Variants in NEBL observed in about 807,000 individuals in gnomAD.
The protein encoded by NEBL is LIM and SH3 protein 2.
NEBL carries 122 observed loss-of-function variants against 140.2 expected under a neutral mutation model. The observed-to-expected ratio is 0.87, with a 90% CI of 0.75 to 1.01. The LOEUF is 1.01. Among genes scored for constraint, NEBL ranks in the 50% least tolerant of loss-of-function variants. The probability of loss-of-function intolerance (pLI) is 0.00; values close to 1 mark genes in which losing one functional copy is unlikely to be tolerated. For synonymous variants in NEBL, 436 were observed against 398.9 expected (o/e 1.09, Z -1.11); for missense variants, 1,365 against 1,231.3 (o/e 1.11, Z -1.62).
At chr10:20,790,887 T>A (rs1479091269) in intron 26 of NEBL, among the ~76,000 whole-genome samples, 1 of 152,192 alleles carries the variant, frequency 6.6e-6, no homozygotes, top group African/African-American at 2.4e-5. Context: ...AAAGGATTTT[T>A]AAAAAGTAAG....
intron 4 of NEBL, among the ~76,000 whole-genome samples, chr10:20,913,340 A>G (rs1023405471): frequency 9.9e-5 from 15 of 152,170 alleles, no homozygotes; most frequent in Non-Finnish European, 1.9e-4. Context: ...CAGAAAAGGT[A>G]CACTCCTGAA....
rs1840387281 is a variant in NEBL, at chr10:20,831,276, T to C, written c.1591A>G (p.Ile531Val). ...KQYKKDLENE[I>V]KGKGMQVSMD... Reference sequence around the variant, plus strand: ...CTCACTTGCATTCCTTTCCCTTTAATTTCATTTTCTAAGTCCTTCTTGTAT... The same window carrying C: ...CTCACTTGCATTCCTTTCCCTTTAACTTCATTTTCTAAGTCCTTCTTGTAT... The change falls in exon 16 of 28, where the codon ATT (isoleucine) becomes GTT (valine). Residue 531 changes from isoleucine (I) to valine (V), a missense_variant. Around this residue, in one of 2 missense-constraint regions of NEBL, gnomAD observed 1,323 missense variants for 1,154.8 expected, o/e 1.15. Coordinates refer to ENST00000377122, the MANE Select transcript of NEBL (RefSeq NM_006393.3). 3.1e-6 allele frequency: 5 copies of C among 1,612,894 alleles called. No homozygotes were observed. The highest frequency in any genetic ancestry group is 4.2e-6 in the Non-Finnish European group (5 of 1,179,300).
At chr10:21,170,198 T>A (rs1008043225) in intron 2 of NEBL, 1 of 152,206 alleles carries the variant, frequency 6.6e-6, no homozygotes, top group African/African-American at 2.4e-5. Context: ...CCTTATCCAA[T>A]TCTCTCTCAT....
At chr10:21,188,342 A>T (rs1841511496) in intron 3 of NEBL, among the ~76,000 whole-genome samples, 1 of 152,224 alleles carries the variant, frequency 6.6e-6, no homozygotes, top group Non-Finnish European at 1.5e-5. Flanking sequence ...CAGACAGCTC[A>T]TATGAGATCT....
At chr10:20,841,543 T>C (rs1290451166) in intron 12 of NEBL, 1 of 152,300 alleles carries the variant, frequency 6.6e-6, no homozygotes, top group Non-Finnish European at 1.5e-5. Flanking sequence ...TGGCTCAACA[T>C]TCATGATGAT....
intron 3 of NEBL, among the ~76,000 whole-genome samples, chr10:20,989,880 GA>G (rs1837393561): frequency 6.6e-6 from 1 of 152,066 alleles, no homozygotes. Flanking sequence ...TTCAAATGGG[GA>G]AAAAGAACAT....
At chr10:21,034,841 A>T in intron 2 of NEBL, among the ~76,000 whole-genome samples, 1 of 152,172 alleles carries the variant, frequency 6.6e-6, no homozygotes, top group East Asian at 1.9e-4. Context: ...CATGTGCAGG[A>T]TGTGCAGGTT....
intron 4 of NEBL, among the ~76,000 whole-genome samples, chr10:20,934,463 G>A (rs1037785965): frequency 6.6e-6 from 1 of 152,148 alleles, no homozygotes; most frequent in African/African-American, 2.4e-5. Context: ...CCACAGTGAA[G>A]TGAGTCCGCA....
intron 1 of NEBL, among the ~76,000 whole-genome samples, chr10:21,280,765 C>T (rs532170148): frequency 7.9e-5 from 12 of 152,006 alleles, no homozygotes; most frequent in African/African-American, 2.7e-4. Context: ...CAGGCACACA[C>T]CATCGCGCAT....
At chr10:21,212,864 C>A (rs985849486) in intron 3 of NEBL, among the ~76,000 whole-genome samples, 1 of 152,096 alleles carries the variant, frequency 6.6e-6, no homozygotes, top group Non-Finnish European at 1.5e-5. Flanking sequence ...TCAGTTAACT[C>A]GATTCAGTCA....
intron 10 of NEBL, among the ~76,000 whole-genome samples, chr10:20,852,016 A>G (rs1253168880): frequency 6.6e-6 from 1 of 152,182 alleles, no homozygotes; most frequent in African/African-American, 2.4e-5. Flanking sequence ...TCAGAATTAA[A>G]AAAAAATAAC....
intron 26 of NEBL, among the ~76,000 whole-genome samples, chr10:20,796,235 C>T (rs973635685): frequency 1.3e-5 from 2 of 151,740 alleles, no homozygotes; most frequent in African/African-American, 2.4e-5. Context: ...TAGTGGTGGG[C>T]GCCCGTTATC....
At chr10:20,930,776 T>G (rs1834143956) in intron 4 of NEBL, among the ~76,000 whole-genome samples, 1 of 152,216 alleles carries the variant, frequency 6.6e-6, no homozygotes, top group Non-Finnish European at 1.5e-5. Context: ...ATTCTAATCC[T>G]CTTTTACCAC....
chr10:21,250,791 T>C (rs981266134), intron 2 of NEBL, among the ~76,000 whole-genome samples: 1 of 151,942 alleles, frequency 6.6e-6, no homozygotes, highest in African/African-American at 2.4e-5. Flanking sequence ...GGTAGGCAAC[T>C]GTGAGGCAGG....
intron 4 of NEBL, among the ~76,000 whole-genome samples, chr10:20,886,608 G>C (rs1018363770): frequency 2.0e-5 from 3 of 152,064 alleles, no homozygotes; most frequent in African/African-American, 4.8e-5. Flanking sequence ...GAAAAATATA[G>C]CATAGTGTGT....
chr10:20,826,691 C>A (rs549638146), intron 17 of NEBL, 152 bp from the exon 18 acceptor site: 4 of 683,358 alleles, frequency 5.9e-6, no homozygotes, highest in Non-Finnish European at 9.9e-6. Flanking sequence ...ATTAAATAAT[C>A]CATTCAGATA....
chr10:21,176,194 G>A (rs1385341621), upstream of NEBL, among the ~76,000 whole-genome samples: 1 of 151,980 alleles, frequency 6.6e-6, no homozygotes, highest in Non-Finnish European at 1.5e-5. Flanking sequence ...GTAGAGATGG[G>A]ATCTTGCGGT....
intron 2 of NEBL, among the ~76,000 whole-genome samples, chr10:21,249,161 T>C (rs1842555461): frequency 6.6e-6 from 1 of 152,194 alleles, no homozygotes; most frequent in Non-Finnish European, 1.5e-5. Flanking sequence ...CCCAAAGCAC[T>C]TGAGTTACAG....
chr10:20,927,373 T>C (rs1833963118), intron 4 of NEBL, among the ~76,000 whole-genome samples: 1 of 152,188 alleles, frequency 6.6e-6, no homozygotes, highest in Non-Finnish European at 1.5e-5. Flanking sequence ...AGAAAAAGAA[T>C]GTCATCAAAT....
Sources: gnomAD v4.1 joint callset for allele counts (sites outside exome capture counted in the v4.1 genomes callset) on GRCh38, gnomAD v4.1.1 for gene constraint, gnomAD v4.1.1 regional missense constraint, MANE v1.5 for transcripts, NCBI Gene and HGNC (gene_info 2026-07-23, HGNC 2026-07-21) for gene names.